Variants in VEPH1 observed in about 807,000 individuals in gnomAD.
VEPH1 encodes ventricular zone-expressed PH domain-containing protein homolog 1.
Under a neutral mutation model 85.2 loss-of-function variants are expected in VEPH1, and 80 were observed. That is an observed-to-expected ratio of 0.94 (90% CI 0.78 to 1.13). VEPH1 has a LOEUF of 1.13. Among genes scored for constraint, VEPH1 ranks in the 50% most tolerant of loss-of-function variants. The pLI, the probability that VEPH1 is intolerant of heterozygous loss-of-function variation, is 0.00. For missense variants in VEPH1, 955 were observed against 980.5 expected, an observed-to-expected ratio of 0.97 and a Z score of 0.35; for synonymous variants, 297 against 348.0, an observed-to-expected ratio of 0.85 and a Z score of 1.63.
chr3:157,296,125 G>A (rs979584265), intron 11 of VEPH1, among the ~76,000 whole-genome samples: 1 of 152,004 alleles, frequency 6.6e-6, no homozygotes, highest in Non-Finnish European at 1.5e-5. Context: ...ATAACATTTA[G>A]GTAAAAGTTT....
At chr3:157,478,575 C>T (rs1213641647) in intron 2 of VEPH1, among the ~76,000 whole-genome samples, 1 of 152,148 alleles carries the variant, frequency 6.6e-6, no homozygotes, top group Non-Finnish European at 1.5e-5. Context: ...GTGTCTTGGT[C>T]ATGAACACTA....
intron 2 of VEPH1, among the ~76,000 whole-genome samples, chr3:157,471,626 A>G (rs1199996896): frequency 1.3e-5 from 2 of 151,940 alleles, no homozygotes; most frequent in Non-Finnish European, 2.9e-5. Flanking sequence ...GTGAGGTTGA[A>G]TGGTTCTGTG....
intron 4 of VEPH1, among the ~76,000 whole-genome samples, chr3:157,448,268 C>A (rs1397849396): frequency 6.6e-6 from 1 of 152,112 alleles, no homozygotes; most frequent in Admixed American, 6.6e-5. Flanking sequence ...GGAATTTGGA[C>A]TCTTGATGAG....
At chr3:157,468,355 ACAAGGTCAGGAGTT>A (rs1426396964) in intron 3 of VEPH1, among the ~76,000 whole-genome samples, 2 of 152,204 alleles carry the variant, frequency 1.3e-5, no homozygotes, top group East Asian at 3.8e-4. Flanking sequence ...ATGGTGAATC[ACAAGGTCAGGAGTT>A]CAAGGCCAGG....
At chr3:157,477,096 A>G in intron 2 of VEPH1, among the ~76,000 whole-genome samples, 1 of 152,196 alleles carries the variant, frequency 6.6e-6, no homozygotes, top group East Asian at 1.9e-4. Context: ...GTGTTGAGAA[A>G]TTAAAGTTCT....
chr3:157,299,295 G>A (rs1441082446), intron 11 of VEPH1, among the ~76,000 whole-genome samples: 5 of 151,808 alleles, frequency 3.3e-5, no homozygotes, highest in South Asian at 2.1e-4. Flanking sequence ...GCAGTGGCTC[G>A]CACATACAAT....
At chr3:157,333,763 A>C (rs758943560) in intron 9 of VEPH1, among the ~76,000 whole-genome samples, 3 of 152,254 alleles carry the variant, frequency 2.0e-5, no homozygotes, top group Non-Finnish European at 4.4e-5. Context: ...GCAACTCTGC[A>C]AAATGCATAA....
At chr3:157,333,252 T>A (rs1019143956) in intron 9 of VEPH1, among the ~76,000 whole-genome samples, 1 of 152,210 alleles carries the variant, frequency 6.6e-6, no homozygotes, top group Admixed American at 6.5e-5. Context: ...CACCTTCCAA[T>A]AAGTGATGAG....
At chr3:157,269,642 G>GTTTTTTTTTTTTTT (rs11408861) in intron 12 of VEPH1, among the ~76,000 whole-genome samples, 41 of 115,410 alleles carry the variant, frequency 3.6e-4, no homozygotes, top group African/African-American at 6.5e-4. Flanking sequence ...TGTTTTTGTT[G>GTTTTTTTTTTTTTT]TTTTTTTTTT....
chr3:157,377,493 G>A (rs1728258564), intron 7 of VEPH1, among the ~76,000 whole-genome samples: 1 of 151,578 alleles, frequency 6.6e-6, no homozygotes. Flanking sequence ...TATGCTTTGT[G>A]TCCCCACCCA....
chr3:157,458,468 C>T (rs567120721), intron 4 of VEPH1, among the ~76,000 whole-genome samples: 23 of 151,976 alleles, frequency 1.5e-4, no homozygotes, highest in Non-Finnish European at 2.8e-4. Context: ...TTTAATGGGG[C>T]TATTTGTTTC....
intron 6 of VEPH1, among the ~76,000 whole-genome samples, chr3:157,412,979 T>A (rs536306872): frequency 1.1e-3 from 173 of 152,276 alleles, no homozygotes; most frequent in Non-Finnish European, 1.9e-3. Flanking sequence ...GTAAGTCACA[T>A]AATGTTTCTG....
intron 6 of VEPH1, among the ~76,000 whole-genome samples, chr3:157,393,825 T>C (rs1730113205): frequency 6.6e-6 from 1 of 152,228 alleles, no homozygotes; most frequent in Non-Finnish European, 1.5e-5. Flanking sequence ...GGTAAATTTC[T>C]ATATACTGCA....
chr3:157,386,331 A>C (rs1391153608), intron 6 of VEPH1, among the ~76,000 whole-genome samples: 1 of 150,538 alleles, frequency 6.6e-6, no homozygotes, highest in Admixed American at 6.7e-5. Context: ...TAAGATAACC[A>C]CTGAATTTCT....
intron 4 of VEPH1, among the ~76,000 whole-genome samples, chr3:157,446,414 G>C (rs1259577794): frequency 6.6e-6 from 1 of 151,974 alleles, no homozygotes; most frequent in Admixed American, 6.6e-5. Flanking sequence ...TATTTTCCTT[G>C]TCTATTACAA....
Position 157,345,074 on chromosome 3 carries a change from C to T in VEPH1, c.1735+18290G>A, listed in dbSNP as rs548965354. ...TGTTAGACCTAAAACCATAAAAACC[C>T]TAGAAGAAAACCTAGGCAATACCAT... On this transcript the variant is annotated intron_variant, in intron 9 of 13. Coordinates refer to ENST00000362010, the MANE Select transcript of VEPH1 (RefSeq NM_001167912.2). Among the ~76,000 whole-genome samples, 7 of 152,276 alleles carry T rather than the reference C, an allele frequency of 4.6e-5. No homozygotes were observed. The East Asian group carries it at 1.3e-3, about 29-fold the overall frequency.
chr3:157,336,652 A>G (rs1722998088), intron 9 of VEPH1, among the ~76,000 whole-genome samples: 1 of 152,110 alleles, frequency 6.6e-6, no homozygotes, highest in Non-Finnish European at 1.5e-5. Context: ...AGCTATGTTT[A>G]CCAGAAGTCT....
Position 157,259,972 on chromosome 3 carries a change from TA to T in VEPH1, c.*1161del. ...TCATGGCAGCTTGCTTATTTAAGGC[TA>T]ATAGGAGAGAGAGTCTCTGACTGGT... is the stretch of plus-strand genomic sequence containing the variant. On this transcript the variant is annotated 3_prime_UTR_variant, in exon 14 of 14. Transcript: ENST00000362010. The T allele has an allele frequency of 6.6e-6, 1 of 152,320 alleles. No homozygotes were observed. The highest frequency in any genetic ancestry group is 1.5e-5 in the Non-Finnish European group (1 of 68,038). 9.4% of individuals were successfully genotyped at this position (152,320 alleles called of 1,614,324 possible). A position where few individuals can be genotyped will look rare whatever the true frequency, so the allele number is the denominator to read the frequency against.
chr3:157,378,451 G>T (rs539700763), intron 7 of VEPH1, among the ~76,000 whole-genome samples: 5 of 150,860 alleles, frequency 3.3e-5, no homozygotes, highest in African/African-American at 4.9e-5. Flanking sequence ...GAAAGGGGGT[G>T]CTTCTTCTAT....
Sources: allele counts gnomAD v4.1 joint callset (sites outside exome capture counted in the v4.1 genomes callset), GRCh38; gene constraint gnomAD v4.1.1; transcripts MANE v1.5; gene names NCBI Gene and HGNC (gene_info 2026-07-23, HGNC 2026-07-21).